Variants in STAU2 observed in about 807,000 individuals in gnomAD.
STAU2 encodes the protein staufen double-stranded RNA binding protein 2.
In STAU2, 20 loss-of-function variants were observed where a neutral mutation model predicts 65.9. The ratio of observed to expected loss-of-function variants is 0.30; its 90% CI spans 0.21 to 0.44. STAU2 has a LOEUF of 0.44. Ranked by LOEUF, STAU2 falls within the 20% of genes least tolerant of loss-of-function variation. The probability of loss-of-function intolerance (pLI) is 1.00; values close to 1 mark genes in which losing one functional copy is unlikely to be tolerated. For missense variants in STAU2, 558 were observed against 683.9 expected (o/e 0.82, Z 2.05); for synonymous variants, 232 against 233.9 (o/e 0.99, Z 0.07).
chr8:73,548,253 TAAAA>T (rs761335258), intron 13 of STAU2, among the ~76,000 whole-genome samples: 1 of 130,730 alleles, frequency 7.6e-6, no homozygotes. Context: ...TACCTTATTC[TAAAA>T]AAAAAAAAAA....
intron 6 of STAU2, among the ~76,000 whole-genome samples, chr8:73,637,768 T>G (rs1201733333): frequency 6.6e-6 from 1 of 151,860 alleles, no homozygotes; most frequent in Non-Finnish European, 1.5e-5. Context: ...ATGATAGATA[T>G]GTGGGCAAAT....
At chr8:73,596,396 C>T (rs1345427078) in intron 10 of STAU2, among the ~76,000 whole-genome samples, 1 of 152,094 alleles carries the variant, frequency 6.6e-6, no homozygotes, top group African/African-American at 2.4e-5. Flanking sequence ...TATACATGTA[C>T]TTAAATACAC....
At chr8:73,603,666 T>C (rs1387245143) in intron 10 of STAU2, 60 bp downstream of exon 10, 9 of 1,568,826 alleles carry the variant, frequency 5.7e-6, no homozygotes, top group Non-Finnish European at 7.8e-6. Context: ...TTCGCCCAAA[T>C]GCCTATTCCA....
intron 13 of STAU2, among the ~76,000 whole-genome samples, chr8:73,486,139 T>A (rs889978755): frequency 6.6e-6 from 1 of 152,084 alleles, no homozygotes; most frequent in African/African-American, 2.4e-5. Flanking sequence ...TAATAGAATA[T>A]CCTTCCTCTT....
chr8:73,434,215 G>T (rs1817531833), intron 13 of STAU2, among the ~76,000 whole-genome samples: 1 of 146,758 alleles, frequency 6.8e-6, no homozygotes, highest in African/African-American at 2.6e-5. Context: ...GCTTCTAGAG[G>T]CCACTCACAT....
chr8:73,444,827 C>T (rs922650143), intron 13 of STAU2, among the ~76,000 whole-genome samples: 10 of 152,114 alleles, frequency 6.6e-5, no homozygotes, highest in African/African-American at 2.4e-4. Context: ...CATTTTTCTC[C>T]CCTCCTCAAG....
intron 13 of STAU2, among the ~76,000 whole-genome samples, chr8:73,513,190 T>G (rs1822511288): frequency 6.6e-6 from 1 of 152,230 alleles, no homozygotes; most frequent in African/African-American, 2.4e-5. Context: ...GTGGTTTTCT[T>G]TTTTTGTTTA....
At chr8:73,558,873 T>C (rs1807982076) in intron 12 of STAU2, among the ~76,000 whole-genome samples, 1 of 152,212 alleles carries the variant, frequency 6.6e-6, no homozygotes. Context: ...TGTTGGACTA[T>C]AAATTTGTTT....
At chr8:73,471,102 GT>G (rs1268026096) in intron 13 of STAU2, among the ~76,000 whole-genome samples, 3 of 150,278 alleles carry the variant, frequency 2.0e-5, no homozygotes, top group African/African-American at 4.9e-5. Flanking sequence ...ATTTTCCAAG[GT>G]TTTTTTCCTC....
At chr8:73,723,813 T>C (rs1180778629) in intron 3 of STAU2, among the ~76,000 whole-genome samples, 1 of 152,254 alleles carries the variant, frequency 6.6e-6, no homozygotes, top group Non-Finnish European at 1.5e-5. Flanking sequence ...GTGTCAGTTC[T>C]GTGTCAATTT....
intron 6 of STAU2, among the ~76,000 whole-genome samples, chr8:73,639,812 A>G (rs1047649892): frequency 2.0e-5 from 3 of 152,132 alleles, no homozygotes; most frequent in African/African-American, 7.2e-5. Flanking sequence ...AAAATTATTC[A>G]ATATTTGGAA....
intron 12 of STAU2, among the ~76,000 whole-genome samples, chr8:73,557,629 C>T (rs898609020): frequency 2.0e-5 from 3 of 152,220 alleles, no homozygotes; most frequent in African/African-American, 4.8e-5. Context: ...TGCCACTCTA[C>T]AATAATTCAT....
At chr8:73,549,890 T>G in intron 13 of STAU2, 1 of 985,750 alleles carries the variant, frequency 1.0e-6, no homozygotes, top group Non-Finnish European at 1.2e-6. Context: ...ACAGTCCAAT[T>G]AAAACATTTA....
intron 6 of STAU2, among the ~76,000 whole-genome samples, chr8:73,658,943 C>CAACAAA (rs373405572): frequency 7.0e-6 from 1 of 141,890 alleles, no homozygotes; most frequent in Admixed American, 7.0e-5. Flanking sequence ...ACAAAAACAA[C>CAACAAA]AAAAAAAAAA....
intron 13 of STAU2, among the ~76,000 whole-genome samples, chr8:73,425,275 T>C (rs1039862540): frequency 6.6e-6 from 1 of 152,112 alleles, no homozygotes; most frequent in Non-Finnish European, 1.5e-5. Flanking sequence ...CCTGATCCAA[T>C]ATAACTGGTA....
chr8:73,692,692 T>C (rs1263381728), intron 4 of STAU2, among the ~76,000 whole-genome samples: 1 of 152,210 alleles, frequency 6.6e-6, no homozygotes, highest in East Asian at 1.9e-4. Context: ...TTTGTGACTG[T>C]CATGTGAGGT....
At chr8:73,578,952 C>T (rs1199795844) in intron 12 of STAU2, among the ~76,000 whole-genome samples, 2 of 152,028 alleles carry the variant, frequency 1.3e-5, no homozygotes, top group African/African-American at 2.4e-5. Flanking sequence ...AAGTCCAACA[C>T]TTATATACCT....
chr8:73,624,443 A>G (rs1172427869), intron 6 of STAU2, among the ~76,000 whole-genome samples: 2 of 152,228 alleles, frequency 1.3e-5, no homozygotes, highest in African/African-American at 4.8e-5. Context: ...TAGATAAATC[A>G]TTATCACATC....
chr8:73,687,032 A>G (rs1284121671), intron 5 of STAU2, among the ~76,000 whole-genome samples: 1 of 149,690 alleles, frequency 6.7e-6, no homozygotes, highest in African/African-American at 2.4e-5. Context: ...AGTGGGGACT[A>G]CAGGCACGCG....
Sources: gnomAD v4.1 joint callset for allele counts (sites outside exome capture counted in the v4.1 genomes callset) on GRCh38, gnomAD v4.1.1 for gene constraint, MANE v1.5 for transcripts, NCBI Gene and HGNC (gene_info 2026-07-23, HGNC 2026-07-21) for gene names.